The following NAV2 variants were observed in gnomAD, a reference collection of about 807,000 sequenced individuals.
The protein encoded by NAV2 is helicase, APC down-regulated 1.
Under a neutral mutation model 223.2 loss-of-function variants are expected in NAV2, and 54 were observed. The ratio of observed to expected loss-of-function variants is 0.24; its 90% CI spans 0.19 to 0.30. NAV2 has a LOEUF of 0.30. NAV2 is among the 10% of genes least tolerant of loss of function. NAV2 has a pLI of 1.00. For synonymous variants in NAV2, 1,279 were observed against 1,239.3 expected (o/e 1.03, Z -0.67); for missense variants, 2,806 against 3,147.5 (o/e 0.89, Z 2.60).
chr11:19,452,589 A>G (rs1051324152), intron 1 of NAV2, among the ~76,000 whole-genome samples: 2 of 152,194 alleles, frequency 1.3e-5, no homozygotes, highest in Non-Finnish European at 2.9e-5. Flanking sequence ...TAAGTCAAAA[A>G]TATGTTAATA....
intron 1 of NAV2, among the ~76,000 whole-genome samples, chr11:19,666,100 C>CTCTTGAAAAGAGAAAAGCCTCTTGAA (rs1307886804): frequency 2.6e-5 from 4 of 152,178 alleles, no homozygotes; most frequent in Non-Finnish European, 5.9e-5. Context: ...ACTGAGCTTT[C>CTCTTGAAAAGAGAAAAGCCTCTTGAA]AAGAGGCTAA....
At chr11:19,721,999 A>G (rs984535379) in intron 1 of NAV2, among the ~76,000 whole-genome samples, 2 of 152,236 alleles carry the variant, frequency 1.3e-5, no homozygotes, top group Non-Finnish European at 2.9e-5. Context: ...ATTTTTAAAA[A>G]CAAAACAAAG....
At chr11:20,037,022 C>T (rs554492857) in intron 12 of NAV2, among the ~76,000 whole-genome samples, 4 of 152,128 alleles carry the variant, frequency 2.6e-5, no homozygotes, top group African/African-American at 4.8e-5. Flanking sequence ...CTAGTGGAAA[C>T]GTAAAGTGCT....
At chr11:19,622,265 A>G (rs959452780) in intron 1 of NAV2, among the ~76,000 whole-genome samples, 4 of 152,292 alleles carry the variant, frequency 2.6e-5, no homozygotes, top group Admixed American at 1.3e-4. Flanking sequence ...GTAGATGTCT[A>G]TTAGGTCTGC....
At chr11:19,865,061 T>G (rs531022220) in intron 3 of NAV2, among the ~76,000 whole-genome samples, 1 of 152,350 alleles carries the variant, frequency 6.6e-6, no homozygotes, top group East Asian at 1.9e-4. Flanking sequence ...CATACAGATT[T>G]TTTTCAGCTA....
chr11:19,363,854 A>G (rs1221461373), intron 1 of NAV2, among the ~76,000 whole-genome samples: 2 of 152,226 alleles, frequency 1.3e-5, no homozygotes, highest in Non-Finnish European at 2.9e-5. Flanking sequence ...TACAGGAAAT[A>G]ACTTGGAAAA....
intron 6 of NAV2, among the ~76,000 whole-genome samples, chr11:19,909,860 G>A (rs976936691): frequency 6.6e-5 from 10 of 151,838 alleles, no homozygotes; most frequent in East Asian, 1.9e-4. Flanking sequence ...TGTTACAAAC[G>A]CCTGCCTTAT....
intron 10 of NAV2, among the ~76,000 whole-genome samples, chr11:19,969,542 G>A (rs2049045135): frequency 6.6e-6 from 1 of 152,146 alleles, no homozygotes; most frequent in African/African-American, 2.4e-5. Flanking sequence ...CTCGGTGGAT[G>A]CCTGAAACTG....
chr11:19,385,753 CTTTTT>C (rs201669772), intron 1 of NAV2, among the ~76,000 whole-genome samples: 29 of 112,778 alleles, frequency 2.6e-4, no homozygotes, highest in African/African-American at 8.7e-4. Flanking sequence ...AATATAGCTC[CTTTTT>C]TTTTTTTTTT....
chr11:19,902,753 T>G (rs1211885234), intron 6 of NAV2, among the ~76,000 whole-genome samples: 1 of 152,242 alleles, frequency 6.6e-6, no homozygotes, highest in African/African-American at 2.4e-5. Context: ...AGCTCTCATC[T>G]GTAGTCAGGA....
At chr11:19,718,205 G>C (rs2050462544) in intron 1 of NAV2, among the ~76,000 whole-genome samples, 1 of 152,208 alleles carries the variant, frequency 6.6e-6, no homozygotes. Flanking sequence ...TTAGGACCAT[G>C]TGCAGAGAGC....
In NAV2 at chr11:19,376,720, A is replaced by G. The variant is rs181076748; in HGVS notation, c.75+25693A>G. 9.8e-4 allele frequency among the ~76,000 whole-genome samples: 150 copies of G among 152,336 alleles called. 1 individual carries two copies. Among genetic ancestry groups the G allele is most frequent in the Middle Eastern group, 3.4e-3 (1 of 294 alleles). The stretch of plus-strand genomic sequence containing the variant: ...AGCAAGTGAAGGGATGATAATAGTA[A>G]ACTGTAACAAGTGCTCAGACATTAG... On this transcript the variant is annotated intron_variant, in intron 1 of 37. Coordinates refer to the NAV2 transcript ENST00000360655.
chr11:19,737,770 G>A (rs995844101), intron 1 of NAV2, among the ~76,000 whole-genome samples: 1 of 152,182 alleles, frequency 6.6e-6, no homozygotes. Context: ...CCCAGTGAAT[G>A]GTGGCTATTA....
At chr11:20,099,447 C>T (rs1221261809) in intron 31 of NAV2, among the ~76,000 whole-genome samples, 2 of 152,234 alleles carry the variant, frequency 1.3e-5, no homozygotes, top group African/African-American at 4.8e-5. Flanking sequence ...GGCCAAGCCT[C>T]TCTAGAAAGT....
intron 1 of NAV2, among the ~76,000 whole-genome samples, chr11:19,673,832 T>C (rs990755540): frequency 6.6e-6 from 1 of 152,198 alleles, no homozygotes; most frequent in Non-Finnish European, 1.5e-5. Flanking sequence ...CAGGATCCTT[T>C]CAGGCCAGGG....
chr11:19,846,195 A>G (rs2060798722), intron 3 of NAV2, among the ~76,000 whole-genome samples: 1 of 152,222 alleles, frequency 6.6e-6, no homozygotes, highest in Non-Finnish European at 1.5e-5. Context: ...TTTCTGGAGA[A>G]TGGGTTTACT....
intron 1 of NAV2, among the ~76,000 whole-genome samples, chr11:19,609,849 T>C (rs1339833330): frequency 6.6e-6 from 1 of 152,234 alleles, no homozygotes; most frequent in Non-Finnish European, 1.5e-5. Flanking sequence ...TTGGCTCTAG[T>C]GCCAAGACTG....
chr11:19,988,648 C>G (rs781138509), intron 11 of NAV2, among the ~76,000 whole-genome samples: 1 of 152,070 alleles, frequency 6.6e-6, no homozygotes, highest in African/African-American at 2.4e-5. Flanking sequence ...TACAGACTTT[C>G]CAGGCTGCAT....
chr11:19,374,101 T>C (rs532558416), intron 1 of NAV2, among the ~76,000 whole-genome samples: 1 of 152,366 alleles, frequency 6.6e-6, no homozygotes, highest in East Asian at 1.9e-4. Context: ...AATGTTATCA[T>C]GACCATAATT....
Sources: allele counts gnomAD v4.1 joint callset (sites outside exome capture counted in the v4.1 genomes callset), GRCh38; gene constraint gnomAD v4.1.1; transcripts MANE v1.5; gene names NCBI Gene and HGNC (gene_info 2026-07-23, HGNC 2026-07-21).